The following ZNF280D variants were observed in gnomAD, a reference collection of about 807,000 sequenced individuals.
ZNF280D encodes zinc finger protein 280D, also known as suppressor of hairy wing homolog 4.
ZNF280D carries 39 observed loss-of-function variants against 94.7 expected under a neutral mutation model. The observed-to-expected ratio is 0.41, with a 90% CI of 0.32 to 0.54. The LOEUF (loss-of-function observed/expected upper bound fraction) is 0.54. Among genes scored for constraint, ZNF280D ranks in the 20% least tolerant of loss-of-function variants. The pLI is 0.22. For missense variants in ZNF280D, 1,090 were observed against 1,149.3 expected (o/e 0.95, Z 0.75); for synonymous variants, 398 against 377.6 (o/e 1.05, Z -0.63).
intron 10 of ZNF280D, among the ~76,000 whole-genome samples, chr15:56,680,695 TG>T (rs1421187201): frequency 1.3e-5 from 2 of 152,162 alleles, no homozygotes; most frequent in Non-Finnish European, 2.9e-5. Flanking sequence ...CAGGCTGGTC[TG>T]GAACTCCTTT....
At chr15:56,640,693 A>G (rs1288926064) in intron 20 of ZNF280D, among the ~76,000 whole-genome samples, 1 of 152,160 alleles carries the variant, frequency 6.6e-6, no homozygotes, top group Non-Finnish European at 1.5e-5. Context: ...AAAATGTTAT[A>G]TTAACTTCAG....
intron 12 of ZNF280D, 39 bp downstream of exon 12, chr15:56,677,535 A>G: frequency 6.8e-7 from 1 of 1,460,850 alleles, no homozygotes; most frequent in East Asian, 2.3e-5. Context: ...AACAACAAAC[A>G]AACCAAACAC....
chr15:56,713,071 C>T (rs1226657677), intron 1 of ZNF280D, among the ~76,000 whole-genome samples: 2 of 152,016 alleles, frequency 1.3e-5, no homozygotes, highest in Non-Finnish European at 2.9e-5. Context: ...CCCCCAATCC[C>T]ATAAATTCAA....
chr15:56,635,233 G>T lies in ZNF280D; in HGVS notation c.2277C>A (p.Asn759Lys). 1 of 1,542,778 alleles carries T rather than the reference G, an allele frequency of 6.5e-7. No individual in the cohort carries two copies. The stretch of plus-strand genomic sequence containing the variant: ...ATGTTTCTGTTTCTCTTTCAGCCAT[G>T]TTAGGTCTTGCAATTTCCTGAAATA... ...EPVSKEIARP[N>K]MAERETETSN... The change falls in exon 21 of 22, where the codon AAC becomes AAA. Residue 759 changes from asparagine to lysine, a missense_variant. Asn to Lys is a moderately conservative substitution (Grantham distance 94). Coordinates refer to ENST00000267807, the MANE Select transcript of ZNF280D (RefSeq NM_017661.4).
chr15:56,681,207 T>C (rs1160203863), intron 10 of ZNF280D, among the ~76,000 whole-genome samples: 2 of 152,238 alleles, frequency 1.3e-5, no homozygotes, highest in African/African-American at 2.4e-5. Flanking sequence ...TGCTTCTTTT[T>C]GGACCCAAGG....
intron 1 of ZNF280D, among the ~76,000 whole-genome samples, chr15:56,719,809 T>G (rs2058249357): frequency 6.7e-6 from 1 of 148,704 alleles, no homozygotes; most frequent in Admixed American, 6.8e-5. Flanking sequence ...GGTTTACAAC[T>G]ATAGTGTAGT....
At chr15:56,670,950 T>C (rs79195522) in intron 13 of ZNF280D, among the ~76,000 whole-genome samples, 1 of 152,154 alleles carries the variant, frequency 6.6e-6, no homozygotes, top group African/African-American at 2.4e-5. Context: ...GAGTTTTTTT[T>C]CATATCATTG....
rs895855866 is a variant in ZNF280D at position 56,666,379 on chromosome 15, A to G, written c.1994+16T>C. ...TATAATTTTAATTGGCAATTTACACATTTAATTCATCTTACCTCATCATAT... is the reference window on the plus strand; with the variant it reads ...TATAATTTTAATTGGCAATTTACACGTTTAATTCATCTTACCTCATCATAT... On this transcript the variant is annotated intron_variant, in intron 16 of 21. Transcript: ENST00000267807. The G allele has an allele frequency of 6.2e-7, 1 of 1,600,330 alleles. No individual in the cohort carries two copies. Among genetic ancestry groups the G allele is most frequent in the Non-Finnish European group, 8.5e-7 (1 of 1,175,478 alleles).
intron 7 of ZNF280D, among the ~76,000 whole-genome samples, chr15:56,691,728 T>C (rs1169049941): frequency 6.6e-6 from 1 of 152,184 alleles, no homozygotes; most frequent in Non-Finnish European, 1.5e-5. Flanking sequence ...ATATCATTCA[T>C]AATTATCATT....
rs775439389 is a variant in ZNF280D, at chr15:56,654,493, G to C, written c.2068C>G (p.Leu690Val). The change falls in exon 18 of 22, where the codon CTA becomes GTA. Residue 690 changes from leucine to valine, a missense_variant. Physicochemically the swap from Leu to Val is conservative, Grantham distance 32. Coordinates refer to ENST00000267807, the MANE Select transcript of ZNF280D (RefSeq NM_017661.4). Reference sequence around the variant, plus strand: ...AGGAAATCACAATTAAGGCACACTAGAGTAATGCCCCTAAAAAAAAAAGCA... The same window carrying C: ...AGGAAATCACAATTAAGGCACACTACAGTAATGCCCCTAAAAAAAAAAGCA... The part of the protein sequence containing the change: ...KHSENLRGIT[L>V]VCLNCDFLSD... 1 of 1,580,942 alleles carries C rather than the reference G, an allele frequency of 6.3e-7. No individual in the cohort carries two copies. Among genetic ancestry groups the C allele is most frequent in the Admixed American group, 2.0e-5 (1 of 49,906 alleles).
Position 56,693,110 on chromosome 15 carries a change from G to T in ZNF280D, c.487C>A (p.Leu163Ile). 1 of 1,598,810 alleles carries T rather than the reference G, an allele frequency of 6.3e-7. No individual in the cohort carries two copies. The highest frequency in any genetic ancestry group is 8.5e-7 in the Non-Finnish European group (1 of 1,170,664). Residue 163 changes from leucine to isoleucine, a missense_variant, in exon 7 of 22, where the codon CTT becomes ATT. Physicochemically the swap from Leu to Ile is conservative, Grantham distance 5. This residue lies in a region of ZNF280D where 386 missense variants were observed against 372.0 expected (regional missense o/e 1.04). Coordinates refer to ENST00000267807, the MANE Select transcript of ZNF280D (RefSeq NM_017661.4). ...TACTAAAACCAACCTGCCATAGAAAGTGTTGGTCCCCCTTGGTAATGTGAT... is the reference window on the plus strand; with the variant it reads ...TACTAAAACCAACCTGCCATAGAAATTGTTGGTCCCCCTTGGTAATGTGAT... ...GLSHYQGGPTLSMAGMSESSF... is the reference protein window; with the variant it reads ...GLSHYQGGPTISMAGMSESSF...
chr15:56,726,791 T>C (rs141315339), intron 1 of ZNF280D, among the ~76,000 whole-genome samples: 1 of 152,354 alleles, frequency 6.6e-6, no homozygotes, highest in Non-Finnish European at 1.5e-5. Flanking sequence ...ACTGAAGACA[T>C]TTTTGTAGTC....
chr15:56,652,125 T>G (rs1204264233), intron 19 of ZNF280D, among the ~76,000 whole-genome samples: 2 of 152,046 alleles, frequency 1.3e-5, no homozygotes, highest in Non-Finnish European at 2.9e-5. Flanking sequence ...ACCTTTCACT[T>G]AAAATATAAA....
intron 14 of ZNF280D, 61 bp from the exon 15 acceptor site, chr15:56,667,047 T>G (rs1452039539): frequency 3.2e-6 from 4 of 1,248,114 alleles, no homozygotes; most frequent in Non-Finnish European, 1.1e-6. Flanking sequence ...TATTAAAATA[T>G]CATGGTACAA....
intron 1 of ZNF280D, among the ~76,000 whole-genome samples, chr15:56,708,092 G>A (rs1274356945): frequency 6.6e-6 from 1 of 151,922 alleles, no homozygotes; most frequent in Non-Finnish European, 1.5e-5. Context: ...ATTAAACAAT[G>A]GAAATCTAAA....
chr15:56,708,806 T>C lies in ZNF280D; in HGVS notation c.-85-1500A>G, dbSNP rs795033. 7.0e-3 allele frequency among the ~76,000 whole-genome samples: 1,063 copies of C among 152,040 alleles called. 17 individuals are homozygous for C. The highest frequency in any genetic ancestry group is 0.024 in the African/African-American group (1,004 of 41,470). ...GTGCTGGGAAAACTGGCTAGCCATA[T>C]GTAGAAAGCTGAAACTGGATCCCTT... On this transcript the variant is annotated intron_variant, in intron 1 of 21. Transcript: ENST00000267807.
chr15:56,690,769 A>G (rs1287551768), intron 7 of ZNF280D, among the ~76,000 whole-genome samples: 2 of 152,202 alleles, frequency 1.3e-5, no homozygotes, highest in African/African-American at 4.8e-5. Context: ...TCTGTACATC[A>G]TATTTTAATC....
rs147737624 is a variant in ZNF280D at position 56,707,113 on chromosome 15, G to C, written c.-4C>G. The C allele has an allele frequency of 6.2e-7, 1 of 1,613,922 alleles. No individual in the cohort carries two copies. On this transcript the variant is annotated 5_prime_UTR_variant, in exon 3 of 22. Transcript: ENST00000267807. Reference sequence around the variant, plus strand: ...GTTGAAAAGGGTTGTCGCCCATCAAGCTGCAGAGATGACTTTCTGTAAATT... The same window carrying C: ...GTTGAAAAGGGTTGTCGCCCATCAACCTGCAGAGATGACTTTCTGTAAATT...
At chr15:56,650,425 C>G (rs1432003182) in intron 19 of ZNF280D, among the ~76,000 whole-genome samples, 1 of 152,114 alleles carries the variant, frequency 6.6e-6, no homozygotes, top group Admixed American at 6.6e-5. Context: ...ACTGAAGTAA[C>G]TGTACCTTAA....
Sources: allele counts gnomAD v4.1 joint callset (sites outside exome capture counted in the v4.1 genomes callset), GRCh38; gene constraint gnomAD v4.1.1; regional missense constraint gnomAD v4.1.1; transcripts MANE v1.5; gene names NCBI Gene and HGNC (gene_info 2026-07-23, HGNC 2026-07-21).